PDZRN4: variants seen among roughly 807,000 people sequenced by gnomAD.
PDZRN4 encodes the protein PDZ domain containing ring finger 4, also known as PDZ domain-containing RING finger protein 4.
In PDZRN4, 70 loss-of-function variants were observed where a neutral mutation model predicts 99.0. The ratio of observed to expected loss-of-function variants is 0.71; its 90% CI spans 0.58 to 0.86. The LOEUF is 0.86. PDZRN4 is among the 40% of genes least tolerant of loss of function. PDZRN4 has a pLI of 0.00. For missense variants in PDZRN4, 1,474 were observed against 1,331.2 expected (o/e 1.11, Z -1.67); for synonymous variants, 551 against 501.6 (o/e 1.10, Z -1.32).
chr12:41,407,714 A>G (rs889745692), intron 3 of PDZRN4, among the ~76,000 whole-genome samples: 6 of 54,418 alleles, frequency 1.1e-4, no homozygotes, highest in Non-Finnish European at 1.9e-4. Context: ...ACAAAAGAGA[A>G]AAAAAAAAAA....
chr12:41,550,634 C>A (rs931801183), intron 5 of PDZRN4, among the ~76,000 whole-genome samples: 1 of 152,124 alleles, frequency 6.6e-6, no homozygotes, highest in South Asian at 2.1e-4. Flanking sequence ...TACACTATAA[C>A]CTTCTTAAGC....
intron 3 of PDZRN4, among the ~76,000 whole-genome samples, chr12:41,442,359 G>C (rs1389553003): frequency 6.6e-6 from 1 of 151,964 alleles, no homozygotes; most frequent in Non-Finnish European, 1.5e-5. Context: ...TGCATTTATT[G>C]TTCTTTTTTT....
intron 3 of PDZRN4, among the ~76,000 whole-genome samples, chr12:41,409,029 C>T (rs547259251): frequency 4.6e-5 from 7 of 152,180 alleles, no homozygotes; most frequent in Admixed American, 3.3e-4. Context: ...ATAGGCAAAA[C>T]TATTACTGTT....
At chr12:41,567,044 T>TTAATGCAATGAAA (rs1939384833) in intron 8 of PDZRN4, among the ~76,000 whole-genome samples, 1 of 152,176 alleles carries the variant, frequency 6.6e-6, no homozygotes, top group Non-Finnish European at 1.5e-5. Context: ...TTAAGAGTCC[T>TTAATGCAATGAAA]ACAAGAATAC....
At chr12:41,200,410 C>CA (rs1004788974) in intron 3 of PDZRN4, among the ~76,000 whole-genome samples, 2 of 151,956 alleles carry the variant, frequency 1.3e-5, no homozygotes. Flanking sequence ...TGTTAGCCTA[C>CA]AAAAAAAGAC....
At chr12:41,302,575 A>G (rs1951543042) in intron 3 of PDZRN4, among the ~76,000 whole-genome samples, 1 of 152,148 alleles carries the variant, frequency 6.6e-6, no homozygotes, top group Non-Finnish European at 1.5e-5. Flanking sequence ...ATTGTTCTCT[A>G]GGGAGTGGGT....
intron 3 of PDZRN4, among the ~76,000 whole-genome samples, chr12:41,298,051 G>A (rs542749286): frequency 6.6e-6 from 1 of 152,104 alleles, no homozygotes; most frequent in South Asian, 2.1e-4. Context: ...TCCATTCCTA[G>A]TCTGTCCTAC....
intron 3 of PDZRN4, among the ~76,000 whole-genome samples, chr12:41,353,597 C>CA (rs1951906644): frequency 6.6e-6 from 1 of 152,028 alleles, no homozygotes; most frequent in Non-Finnish European, 1.5e-5. Flanking sequence ...GATGGTAATG[C>CA]ATTTGGTGTC....
intron 3 of PDZRN4, among the ~76,000 whole-genome samples, chr12:41,217,809 C>T (rs750752107): frequency 6.6e-6 from 1 of 151,958 alleles, no homozygotes; most frequent in Admixed American, 6.6e-5. Context: ...ACATTTTGGC[C>T]CTGTTTCCCA....
At chr12:41,394,957 A>G (rs963364648) in intron 3 of PDZRN4, among the ~76,000 whole-genome samples, 4 of 152,180 alleles carry the variant, frequency 2.6e-5, no homozygotes, top group Non-Finnish European at 5.9e-5. Flanking sequence ...ACTACAAGCA[A>G]GAAAAGGCAA....
chr12:41,560,683 A>T (rs952880291), intron 7 of PDZRN4, among the ~76,000 whole-genome samples: 4 of 152,174 alleles, frequency 2.6e-5, no homozygotes, highest in African/African-American at 9.7e-5. Flanking sequence ...TTCCTGGCAC[A>T]GCAGGCTGCA....
intron 3 of PDZRN4, among the ~76,000 whole-genome samples, chr12:41,472,025 G>C (rs1952997425): frequency 6.9e-6 from 1 of 144,438 alleles, no homozygotes; most frequent in African/African-American, 2.6e-5. Context: ...TTTTGAGACA[G>C]GAGTTTCACT....
intron 3 of PDZRN4, among the ~76,000 whole-genome samples, chr12:41,330,293 A>C (rs1018810271): frequency 6.6e-6 from 1 of 152,096 alleles, no homozygotes; most frequent in African/African-American, 2.4e-5. Flanking sequence ...AGAAAGAGTT[A>C]TCTTGACATT....
At position 41,572,991 on chromosome 12, in the gene PDZRN4, G is replaced by T. The variant is rs1482326215; in HGVS notation, c.2212G>T (p.Ala738Ser). Residue 738 changes from alanine (A) to serine (S), a missense_variant, in exon 10 of 10, where the codon GCT becomes TCT. Transcript: ENST00000402685. ...PEKSDKDSSS[A>S]YNTAESCRST... ...AAAGTCTGACAAGGACAGTTCTAGT[G>T]CTTACAACACAGCTGAGAGCTGCAG... The T allele has an allele frequency of 1.2e-6, 2 of 1,614,052 alleles. No individual in the cohort carries two copies. Among genetic ancestry groups the T allele is most frequent in the African/African-American group, 2.7e-5 (2 of 74,930 alleles).
chr12:41,422,695 G>A (rs1592053827), intron 3 of PDZRN4, among the ~76,000 whole-genome samples: 1 of 152,124 alleles, frequency 6.6e-6, no homozygotes, highest in Admixed American at 6.6e-5. Flanking sequence ...CGGCCCCCAT[G>A]ATCCAATCAC....
chr12:41,260,014 TA>T (rs1318246927), intron 3 of PDZRN4, among the ~76,000 whole-genome samples: 1 of 152,136 alleles, frequency 6.6e-6, no homozygotes, highest in East Asian at 1.9e-4. Context: ...TTGGCAAACT[TA>T]TTTGTTTGGA....
At chr12:41,225,042 A>G (rs900787262) in intron 3 of PDZRN4, among the ~76,000 whole-genome samples, 2 of 152,234 alleles carry the variant, frequency 1.3e-5, no homozygotes, top group Admixed American at 1.3e-4. Context: ...ACTTATTCAA[A>G]TGATCATTAT....
chr12:41,548,526 C>G (rs996813643), intron 5 of PDZRN4, among the ~76,000 whole-genome samples: 1 of 152,174 alleles, frequency 6.6e-6, no homozygotes, highest in Non-Finnish European at 1.5e-5. Context: ...CCCCTGTTGT[C>G]AACTGATATA....
At chr12:41,555,979 C>G (rs1367483259) in intron 7 of PDZRN4, among the ~76,000 whole-genome samples, 2 of 152,118 alleles carry the variant, frequency 1.3e-5, no homozygotes, top group Non-Finnish European at 2.9e-5. Flanking sequence ...AATACCATCT[C>G]TGGAGTCAAA....
Sources: gnomAD v4.1 joint callset for allele counts (sites outside exome capture counted in the v4.1 genomes callset) on GRCh38, gnomAD v4.1.1 for gene constraint, MANE v1.5 for transcripts, NCBI Gene and HGNC (gene_info 2026-07-23, HGNC 2026-07-21) for gene names.